MGAM2: variants seen among roughly 807,000 people sequenced by gnomAD.
The protein encoded by MGAM2 is probable maltase-glucoamylase 2.
In MGAM2, 98 loss-of-function variants were observed where a neutral mutation model predicts 96.1. The ratio of observed to expected loss-of-function variants is 1.02; its 90% CI spans 0.87 to 1.21. MGAM2 has a LOEUF of 1.21. MGAM2 is among the 50% of genes most tolerant of loss of function. The pLI, the probability that MGAM2 is intolerant of heterozygous loss-of-function variation, is 0.00. For missense variants in MGAM2, 2,055 were observed against 1,182.4 expected, an observed-to-expected ratio of 1.74 and a Z score of -10.82; for synonymous variants, 749 against 414.8, an observed-to-expected ratio of 1.81 and a Z score of -9.79.
At chr7:142,207,251 G>T (rs1201343616) in intron 45 of MGAM2, among the ~76,000 whole-genome samples, 1 of 152,074 alleles carries the variant, frequency 6.6e-6, no homozygotes, top group Non-Finnish European at 1.5e-5. Context: ...ATCCTGAACA[G>T]TGTGAGGAGA....
chr7:142,210,886 C>T (rs545327707), intron 46 of MGAM2, among the ~76,000 whole-genome samples: 1 of 152,346 alleles, frequency 6.6e-6, no homozygotes, highest in African/African-American at 2.4e-5. Context: ...CCCGTGCCTC[C>T]TGACAGGGAG....
intron 45 of MGAM2, among the ~76,000 whole-genome samples, chr7:142,201,653 G>A (rs1288110261): frequency 6.6e-6 from 1 of 152,112 alleles, no homozygotes; most frequent in African/African-American, 2.4e-5. Context: ...AATGCAGTTA[G>A]CCTACAATAG....
chr7:142,154,109 G>T lies in MGAM2; in HGVS notation c.1726G>T (p.Gly576Trp). Residue 576 changes from glycine to tryptophan, a missense_variant, in exon 16 of 48, where the codon GGG becomes TGG. By Grantham distance (184) the Gly-to-Trp change is radical. Coordinates refer to ENST00000477922, the MANE Select transcript of MGAM2 (RefSeq NM_001293626.2). The stretch of plus-strand genomic sequence containing the variant: ...TGGCAAATTTGCTGCTCATTGGCTG[G>T]GGGACAATGCGGCCACATGGGATGA... Reference protein sequence around the residue: ...GSGKFAAHWLGDNAATWDDLR... With the variant: ...GSGKFAAHWLWDNAATWDDLR... 1.4e-6 allele frequency: 1 copy of T among 693,324 alleles called. No individual in the cohort carries two copies. The highest frequency in any genetic ancestry group is 2.6e-6 in the Non-Finnish European group (1 of 378,056). The allele number at this position is 693,324 out of a possible 1,614,324, so 42.9% of individuals were successfully genotyped here. A position where few individuals can be genotyped will look rare whatever the true frequency, so the allele number is the denominator to read the frequency against.
chr7:142,130,919 A>G (rs753238111), intron 3 of MGAM2, 29 bp from the exon 4 acceptor site: 10 of 700,962 alleles, frequency 1.4e-5, no homozygotes, highest in Non-Finnish European at 2.1e-5. Context: ...CTCAGTTTAT[A>G]TACTGCTAAC....
chr7:142,193,581 A>G (rs1796938056), intron 37 of MGAM2, among the ~76,000 whole-genome samples: 1 of 152,058 alleles, frequency 6.6e-6, no homozygotes, highest in Non-Finnish European at 1.5e-5. Context: ...GGTTCACAAT[A>G]TTGAGGTTCA....
intron 7 of MGAM2, 34 bp downstream of exon 7, chr7:142,134,186 G>A (rs1192100423): frequency 8.5e-6 from 6 of 707,862 alleles, no homozygotes; most frequent in Middle Eastern, 2.3e-4. Context: ...ATCGCCCACA[G>A]TAAGGGATAC....
intron 10 of MGAM2, among the ~76,000 whole-genome samples, chr7:142,140,562 A>T (rs1287922844): frequency 6.6e-6 from 1 of 152,214 alleles, no homozygotes; most frequent in Non-Finnish European, 1.5e-5. Context: ...CCTGCTCTCA[A>T]GTCCCTCCCA....
rs1278228360 is a variant in MGAM2 at position 142,120,361 on chromosome 7, C to T, written c.166C>T (p.Pro56Ser). 1 of 702,966 alleles carries T rather than the reference C, an allele frequency of 1.4e-6. No individual in the cohort carries two copies. The highest frequency in any genetic ancestry group is 1.7e-5 in the African/African-American group (1 of 57,216). 43.5% of individuals were successfully genotyped at this position (702,966 alleles called of 1,614,324 possible). The change falls in exon 3 of 48, where the codon CCT becomes TCT. Residue 56 changes from proline (P) to serine (S), a missense_variant. Transcript: ENST00000477922. ...CCAGTCGGAAAGGATAGACTGCACA[C>T]CTGACCAGGAGGTGACCGAGGTCAG... ...IPQSERIDCT[P>S]DQEVTEDICR...
intron 32 of MGAM2, among the ~76,000 whole-genome samples, chr7:142,177,432 A>T (rs1049468813): frequency 2.0e-5 from 3 of 152,188 alleles, no homozygotes; most frequent in Admixed American, 2.0e-4. Context: ...CCCAAACCAT[A>T]TCAGAGTATG....
chr7:142,118,098 A>T (rs140381080), intron 2 of MGAM2, among the ~76,000 whole-genome samples: 1 of 152,268 alleles, frequency 6.6e-6, no homozygotes, highest in African/African-American at 2.4e-5. Context: ...ACAATGTTGT[A>T]CATCAGATTT....
chr7:142,195,202 A>C (rs1272513081), intron 37 of MGAM2, among the ~76,000 whole-genome samples: 3 of 151,652 alleles, frequency 2.0e-5, no homozygotes, highest in African/African-American at 7.3e-5. Flanking sequence ...TGCCCAGCTA[A>C]TTTTATTTTT....
intron 1 of MGAM2, among the ~76,000 whole-genome samples, chr7:142,114,153 G>GAAA (rs1817276797): frequency 2.3e-5 from 2 of 87,008 alleles, no homozygotes; most frequent in Non-Finnish European, 4.3e-5. Context: ...AAAGAAAGAA[G>GAAA]GAAAGAAAGA....
At chr7:142,183,927 T>A (rs1006939151) in intron 33 of MGAM2, among the ~76,000 whole-genome samples, 1 of 146,226 alleles carries the variant, frequency 6.8e-6, no homozygotes, top group African/African-American at 2.5e-5. Context: ...TACTTCCTAC[T>A]GCTCTGGATG....
At chr7:142,136,717 G>A (rs1490435998) in intron 8 of MGAM2, 77 bp downstream of exon 8, 1 of 586,382 alleles carries the variant, frequency 1.7e-6, no homozygotes. Context: ...TACTTTTATG[G>A]TGAGATCAAC....
chr7:142,146,854 A>G (rs1795402238), intron 14 of MGAM2, among the ~76,000 whole-genome samples: 1 of 151,960 alleles, frequency 6.6e-6, no homozygotes, highest in East Asian at 1.9e-4. Flanking sequence ...CAGCCTCCCA[A>G]GTAGCTGGGA....
intron 35 of MGAM2, among the ~76,000 whole-genome samples, chr7:142,186,751 G>A (rs766043987): frequency 1.3e-5 from 2 of 152,148 alleles, no homozygotes; most frequent in Non-Finnish European, 2.9e-5. Flanking sequence ...ATTCAGCTCT[G>A]GGTCAGACTG....
chr7:142,150,099 G>A (rs1477720528), intron 15 of MGAM2, among the ~76,000 whole-genome samples: 2 of 151,808 alleles, frequency 1.3e-5, no homozygotes, highest in African/African-American at 2.4e-5. Flanking sequence ...GCGCCACCAC[G>A]CCCAGCTAAT....
intron 1 of MGAM2, among the ~76,000 whole-genome samples, chr7:142,113,530 T>C (rs2095385004): frequency 6.6e-6 from 1 of 152,192 alleles, no homozygotes; most frequent in Admixed American, 6.5e-5. Context: ...TCCTAGGTTT[T>C]TTTTTTATAA....
chr7:142,195,848 T>C (rs1053204480), intron 37 of MGAM2, among the ~76,000 whole-genome samples: 3 of 152,174 alleles, frequency 2.0e-5, no homozygotes, highest in Non-Finnish European at 2.9e-5. Context: ...AATACTGGAA[T>C]AGAGGAATTG....
Sources: allele counts gnomAD v4.1 joint callset (sites outside exome capture counted in the v4.1 genomes callset), GRCh38; gene constraint gnomAD v4.1.1; transcripts MANE v1.5; gene names NCBI Gene and HGNC (gene_info 2026-07-23, HGNC 2026-07-21).